The following RYR2 variants were observed in gnomAD, a reference collection of about 807,000 sequenced individuals.
RYR2 encodes cardiac muscle ryanodine receptor-calcium release channel.
RYR2 carries 227 observed loss-of-function variants against 601.1 expected under a neutral mutation model. The ratio of observed to expected loss-of-function variants is 0.38; its 90% CI spans 0.34 to 0.42. The LOEUF (loss-of-function observed/expected upper bound fraction) is 0.42, where lower values mean the gene tolerates loss of function less well. RYR2 is among the 10% of genes least tolerant of loss of function. The pLI, the probability that RYR2 is intolerant of heterozygous loss-of-function variation, is 1.00. For synonymous variants in RYR2, 2,223 were observed against 2,175.1 expected (o/e 1.02, Z -0.61); for missense variants, 4,646 against 6,156.5 (o/e 0.75, Z 8.21).
chr1:237,716,887 C>G (rs1558278542), intron 71 of RYR2, among the ~76,000 whole-genome samples: 1 of 151,998 alleles, frequency 6.6e-6, no homozygotes, highest in Non-Finnish European at 1.5e-5. Flanking sequence ...CACACAATAT[C>G]TGAAATTACT....
intron 101 of RYR2, among the ~76,000 whole-genome samples, chr1:237,823,205 C>A (rs1662714059): frequency 6.6e-6 from 1 of 152,170 alleles, no homozygotes; most frequent in South Asian, 2.1e-4. Flanking sequence ...CAGAACTCTC[C>A]ACCCCAAATC....
intron 11 of RYR2, among the ~76,000 whole-genome samples, chr1:237,421,770 A>T (rs1184221525): frequency 6.6e-6 from 1 of 152,134 alleles, no homozygotes; most frequent in Admixed American, 6.6e-5. Flanking sequence ...ATCCAGTGTA[A>T]ACTGTCTTTT....
At chr1:237,418,103 C>T (rs1031675949) in intron 11 of RYR2, among the ~76,000 whole-genome samples, 15 of 152,108 alleles carry the variant, frequency 9.9e-5, no homozygotes, top group East Asian at 3.9e-4. Context: ...AGTGCAGTGG[C>T]GCGATCTCGG....
At chr1:237,429,251 C>T (rs1008572664) in intron 12 of RYR2, among the ~76,000 whole-genome samples, 1 of 152,190 alleles carries the variant, frequency 6.6e-6, no homozygotes, top group Non-Finnish European at 1.5e-5. Context: ...TCAGGACCCC[C>T]ATTTTACAGA....
rs142019218 is a variant in RYR2 at position 237,287,790 on chromosome 1, C to T, written c.168+17174C>T. ...CCTCCTTGATTAGCTTAATAACTAA[C>T]CTCCTGAATTCGTTGTCAGGTAAAT... On this transcript the variant is annotated intron_variant, in intron 2 of 104. Transcript: ENST00000366574. 1.2e-3 allele frequency among the ~76,000 whole-genome samples: 181 copies of T among 152,246 alleles called. 2 individuals are homozygous for T. The Middle Eastern group carries it at 0.024, about 20-fold the overall frequency.
intron 80 of RYR2, among the ~76,000 whole-genome samples, chr1:237,755,811 C>A (rs943347879): frequency 6.6e-6 from 1 of 152,122 alleles, no homozygotes; most frequent in African/African-American, 2.4e-5. Flanking sequence ...TATCAGCTTT[C>A]AATTTTACTT....
intron 74 of RYR2, among the ~76,000 whole-genome samples, chr1:237,725,371 A>G (rs6670697): frequency 0.066 from 9,992 of 152,132 alleles, 1,084 homozygotes; most frequent in African/African-American, 0.23. Context: ...TAATGATAAC[A>G]TGTGACTGAG....
chr1:237,107,258 A>C (rs1401245585), intron 1 of RYR2, among the ~76,000 whole-genome samples: 1 of 152,120 alleles, frequency 6.6e-6, no homozygotes, highest in Non-Finnish European at 1.5e-5. Context: ...GTTCTTGCTT[A>C]ATAGAAAACA....
chr1:237,157,666 T>C (rs1200467503), intron 1 of RYR2, among the ~76,000 whole-genome samples: 5 of 152,178 alleles, frequency 3.3e-5, no homozygotes, highest in Non-Finnish European at 5.9e-5. Context: ...TTCTCATGCA[T>C]GTGTGGGAAC....
Position 237,705,293 on chromosome 1 carries a change from A to G in RYR2, c.9530A>G (p.Lys3177Arg). ...PVAFLETHLD[K>R]HNIYSIYNTK... is the part of the protein sequence containing the mutation. ...GCATTTTTGGAAACTCATCTGGACA[A>G]ACATAATATTTACTCCATCTACAAT... Residue 3177 changes from lysine to arginine, a missense_variant, in exon 67 of 105, where the codon AAA (lysine) becomes AGA (arginine). By Grantham distance (26) the Lys-to-Arg change is conservative. Transcript: ENST00000366574. 6.2e-7 allele frequency: 1 copy of G among 1,604,964 alleles called. No individual in the cohort carries two copies. Among genetic ancestry groups the G allele is most frequent in the South Asian group, 1.1e-5 (1 of 89,330 alleles).
chr1:237,740,216 C>G (rs1003333041), intron 79 of RYR2, among the ~76,000 whole-genome samples: 4 of 152,138 alleles, frequency 2.6e-5, no homozygotes, highest in Admixed American at 6.6e-5. Context: ...ACAGTATATT[C>G]AAAAGCTGCT....
chr1:237,808,792 G>A, intron 99 of RYR2, 109 bp from the exon 100 acceptor site: 1 of 977,692 alleles, frequency 1.0e-6, no homozygotes, highest in East Asian at 2.5e-5. Context: ...TTAGCTTCTA[G>A]TAAACACGGC....
At position 237,833,387 on chromosome 1, in the gene RYR2, C is replaced by T. The variant is rs530014462; in HGVS notation, c.*740C>T. On this transcript the variant is annotated 3_prime_UTR_variant, in exon 105 of 105. Coordinates refer to ENST00000366574, the MANE Select transcript of RYR2 (RefSeq NM_001035.3). ...CCGCCCCCGCCCCCATATGCTCCTG[C>T]TATTATTTTGGTAATGCTCTGATGC... The T allele has an allele frequency of 1.1e-4, 15 of 133,384 alleles. No individual in the cohort carries two copies. The highest frequency in any genetic ancestry group is 1.9e-4 in the Non-Finnish European group (12 of 63,238). The allele number at this position is 133,384 out of a possible 1,614,324, so 8.3% of individuals were successfully genotyped here. A position where few individuals can be genotyped will look rare whatever the true frequency, so the allele number is the denominator to read the frequency against.
At chr1:237,810,731 C>A (rs764775229) in intron 100 of RYR2, among the ~76,000 whole-genome samples, 3 of 151,862 alleles carry the variant, frequency 2.0e-5, no homozygotes, top group Non-Finnish European at 4.4e-5. Flanking sequence ...AAGTCAGTTA[C>A]GATAAATCCA....
chr1:237,784,431 C>T lies in RYR2; in HGVS notation c.12719C>T (p.Thr4240Met). Residue 4240 changes from threonine to methionine, a missense_variant, in exon 90 of 105, where the codon ACG (threonine) becomes ATG (methionine). Physicochemically the swap from Thr to Met is moderately conservative, Grantham distance 81. Around this residue, in one of 17 missense-constraint regions of RYR2, gnomAD observed 364 missense variants for 442.9 expected, o/e 0.82. Coordinates refer to ENST00000366574, the MANE Select transcript of RYR2 (RefSeq NM_001035.3). This position sits in a 1 kb window ranked among gnomAD's most constrained non-coding sequence, Gnocchi z 7.1. The stretch of plus-strand genomic sequence containing the variant: ...AGGATGGCTTTCTTCTCCATTCTGA[C>T]GGTCAGGTCGGCCCTGTTTGCGCTC... The part of the protein sequence containing the change: ...GPRMAFFSIL[T>M]VRSALFALRY... 1.9e-6 allele frequency: 3 copies of T among 1,613,704 alleles called. No homozygotes were observed. The highest frequency in any genetic ancestry group is 2.2e-5 in the East Asian group (1 of 44,826).
chr1:237,684,087 C>G (rs1686142691), intron 62 of RYR2, among the ~76,000 whole-genome samples: 1 of 151,084 alleles, frequency 6.6e-6, no homozygotes, highest in South Asian at 2.1e-4. Flanking sequence ...ACCACCATGC[C>G]CGGCTAATTT....
At position 237,613,908 on chromosome 1, in the gene RYR2, G is replaced by C. The variant is rs1484666865; in HGVS notation, c.4911-131G>C. ...GTCCCAAGCATTTCAGATTAGGGAT[G>C]TTCAACCTGCAGTGTCTATTCCCAT... is the stretch of plus-strand genomic sequence containing the variant. On this transcript the variant is annotated intron_variant, in intron 36 of 104. Coordinates refer to ENST00000366574, the MANE Select transcript of RYR2 (RefSeq NM_001035.3). 2.1e-5 allele frequency: 16 copies of C among 780,120 alleles called. 1 individual carries two copies. Among genetic ancestry groups the C allele is most frequent in the Middle Eastern group, 3.8e-4 (1 of 2,634 alleles). The allele number at this position is 780,120 out of a possible 1,614,324, so 48.3% of individuals were successfully genotyped here.
At chr1:237,338,758 G>A (rs755966051) in intron 3 of RYR2, among the ~76,000 whole-genome samples, 21 of 152,112 alleles carry the variant, frequency 1.4e-4, no homozygotes, top group African/African-American at 2.2e-4. Flanking sequence ...AGCCTTTTTT[G>A]TTCAAGCTTT....
intron 1 of RYR2, among the ~76,000 whole-genome samples, chr1:237,045,378 T>A (rs2148089518): frequency 6.6e-6 from 1 of 152,310 alleles, no homozygotes. Flanking sequence ...GGTTTGTCAC[T>A]GTTTAGCTTG....
Sources: allele counts gnomAD v4.1 joint callset (sites outside exome capture counted in the v4.1 genomes callset), GRCh38; gene constraint gnomAD v4.1.1; regional missense constraint gnomAD v4.1.1; non-coding constraint Gnocchi (gnomAD v3.1); transcripts MANE v1.5; gene names NCBI Gene and HGNC (gene_info 2026-07-23, HGNC 2026-07-21).